Variants in STIMATE observed in about 807,000 individuals in gnomAD.
STIMATE encodes the protein STIM activating enhancer, also known as store-operated calcium entry regulator STIMATE.
STIMATE carries 15 observed loss-of-function variants against 36.7 expected under a neutral mutation model. That is an observed-to-expected ratio of 0.41 (90% CI 0.27 to 0.63). The LOEUF is 0.63. Among genes scored for constraint, STIMATE ranks in the 20% least tolerant of loss-of-function variants. STIMATE has a pLI of 0.32. For missense variants in STIMATE, 305 were observed against 397.3 expected (o/e 0.77, Z 1.98); for synonymous variants, 163 against 162.3 (o/e 1.00, Z -0.03).
chr3:52,888,181 G>A (rs1051845217), intron 1 of STIMATE, among the ~76,000 whole-genome samples: 3 of 150,972 alleles, frequency 2.0e-5, no homozygotes, highest in Non-Finnish European at 4.4e-5. Context: ...CCCCTTTTTT[G>A]CTCCAGGGCT....
chr3:52,846,897 T>C (rs747723004), intron 4 of STIMATE, among the ~76,000 whole-genome samples: 1 of 152,144 alleles, frequency 6.6e-6, no homozygotes, highest in African/African-American at 2.4e-5. Context: ...TGTCCTGCTT[T>C]GTCATTGCTG....
intron 1 of STIMATE, among the ~76,000 whole-genome samples, chr3:52,871,511 G>A (rs1453792802): frequency 6.6e-6 from 1 of 152,176 alleles, no homozygotes; most frequent in Non-Finnish European, 1.5e-5. Context: ...TCCCCCTGTG[G>A]CAGGGACAGC....
Position 52,853,198 on chromosome 3 carries a change from G to A in STIMATE, c.210-500C>T, listed in dbSNP as rs187298372. Among the ~76,000 whole-genome samples, 161 of 152,304 alleles carry A rather than the reference G, an allele frequency of 1.1e-3. 2 individuals are homozygous for A. Among genetic ancestry groups the A allele is most frequent in the Non-Finnish European group, 2.8e-4 (19 of 68,032 alleles). On this transcript the variant is annotated intron_variant, in intron 2 of 7. Transcript: ENST00000355083. ...AAAGAATAAATATTTGAGGTTTTGT[G>A]CGCCATATGATCTCTGTCTCAATTC...
At chr3:52,871,914 T>G (rs1374131246) in intron 1 of STIMATE, among the ~76,000 whole-genome samples, 1 of 152,162 alleles carries the variant, frequency 6.6e-6, no homozygotes, top group Non-Finnish European at 1.5e-5. Flanking sequence ...CCATGTGACT[T>G]AGGCTCCACA....
intron 1 of STIMATE, among the ~76,000 whole-genome samples, chr3:52,863,352 T>C (rs1411225702): frequency 1.3e-5 from 2 of 151,930 alleles, no homozygotes; most frequent in Non-Finnish European, 2.9e-5. Context: ...GATGAAAAAA[T>C]GGAAACCTCT....
chr3:52,865,744 C>T (rs912777350), intron 1 of STIMATE, among the ~76,000 whole-genome samples: 1 of 152,178 alleles, frequency 6.6e-6, no homozygotes, highest in African/African-American at 2.4e-5. Flanking sequence ...ATTATCAGTA[C>T]AAAATATATT....
At chr3:52,843,387 G>A (rs1444177917) in intron 6 of STIMATE, among the ~76,000 whole-genome samples, 3 of 152,040 alleles carry the variant, frequency 2.0e-5, no homozygotes, top group South Asian at 2.1e-4. Context: ...CTCAAGATCC[G>A]TGGTCAGGAA....
chr3:52,850,325 G>T (rs139487543), intron 3 of STIMATE, among the ~76,000 whole-genome samples: 2 of 152,116 alleles, frequency 1.3e-5, no homozygotes, highest in Non-Finnish European at 2.9e-5. Context: ...CCAGCTACTC[G>T]GGGGGCTGAG....
At chr3:52,873,989 A>G (rs571094184) in intron 1 of STIMATE, among the ~76,000 whole-genome samples, 21 of 152,390 alleles carry the variant, frequency 1.4e-4, no homozygotes, top group African/African-American at 4.8e-4. Flanking sequence ...CACAAAACAC[A>G]TGAAAAGTTG....
chr3:52,845,165 C>G (rs1350881519), intron 4 of STIMATE, among the ~76,000 whole-genome samples: 2 of 152,180 alleles, frequency 1.3e-5, no homozygotes, highest in Non-Finnish European at 2.9e-5. Context: ...CTAAAATGGC[C>G]TTTCTTTTAA....
intron 1 of STIMATE, among the ~76,000 whole-genome samples, chr3:52,859,324 T>C (rs892465822): frequency 2.0e-5 from 3 of 150,412 alleles, no homozygotes; most frequent in Admixed American, 6.6e-5. Flanking sequence ...TATACATTTA[T>C]GCTGGTATTA....
intron 3 of STIMATE, among the ~76,000 whole-genome samples, 185 bp downstream of exon 3, chr3:52,852,418 C>T (rs1392979133): frequency 1.3e-5 from 2 of 152,198 alleles, no homozygotes; most frequent in Non-Finnish European, 2.9e-5. Flanking sequence ...TACAAGCCAA[C>T]TGATAGCTGT....
intron 1 of STIMATE, among the ~76,000 whole-genome samples, chr3:52,882,092 C>T (rs1030822095): frequency 3.3e-5 from 5 of 152,244 alleles, no homozygotes; most frequent in Non-Finnish European, 5.9e-5. Context: ...GCTGCATCAC[C>T]GGAAGTCTTG....
At chr3:52,870,994 G>A (rs1435947256) in intron 1 of STIMATE, among the ~76,000 whole-genome samples, 3 of 151,934 alleles carry the variant, frequency 2.0e-5, no homozygotes, top group Non-Finnish European at 2.9e-5. Flanking sequence ...CCTGAGTGCC[G>A]CAGGTCCTGA....
intron 1 of STIMATE, among the ~76,000 whole-genome samples, chr3:52,865,937 C>T (rs964732020): frequency 2.5e-4 from 38 of 152,212 alleles, no homozygotes; most frequent in African/African-American, 8.7e-4. Flanking sequence ...ATGCTTTACA[C>T]GTTGTCTAAC....
intron 4 of STIMATE, chr3:52,847,490 G>GGGCTGTGT (rs1440961018): frequency 1.3e-5 from 17 of 1,289,532 alleles, no homozygotes; most frequent in Non-Finnish European, 1.7e-5. Context: ...TCAACCGCCG[G>GGGCTGTGT]GGCTGTGTGG....
At chr3:52,862,982 A>G (rs995704663) in intron 1 of STIMATE, among the ~76,000 whole-genome samples, 3 of 152,190 alleles carry the variant, frequency 2.0e-5, no homozygotes, top group Non-Finnish European at 4.4e-5. Flanking sequence ...CCAGAAGCTG[A>G]AAGAGGCAAA....
At chr3:52,881,092 C>T (rs966180925) in intron 1 of STIMATE, among the ~76,000 whole-genome samples, 1 of 151,558 alleles carries the variant, frequency 6.6e-6, no homozygotes, top group African/African-American at 2.4e-5. Context: ...GAGGCTGAGG[C>T]AGGAGAATCA....
Position 52,897,511 on chromosome 3 carries a change from C to G in STIMATE, c.-61G>C, listed in dbSNP as rs1021646363. The G allele has an allele frequency of 2.9e-5, 35 of 1,190,642 alleles. No homozygotes were observed. The Admixed American group carries it at 1.1e-3, about 38-fold the overall frequency. The allele number at this position is 1,190,642 out of a possible 1,614,324, so 73.8% of individuals were successfully genotyped here. A position where few individuals can be genotyped will look rare whatever the true frequency, so the allele number is the denominator to read the frequency against. The stretch of plus-strand genomic sequence containing the variant: ...CCCGCCCGGCCTCGCTGCCTGCCGG[C>G]GCAGCGCCGCCAAACCCGCAGCCGG... On this transcript the variant is annotated 5_prime_UTR_variant, in exon 1 of 8. Transcript: ENST00000355083.
Sources: allele counts gnomAD v4.1 joint callset (sites outside exome capture counted in the v4.1 genomes callset), GRCh38; gene constraint gnomAD v4.1.1; transcripts MANE v1.5; gene names NCBI Gene and HGNC (gene_info 2026-07-23, HGNC 2026-07-21).